ADAMTS12: variants seen among roughly 807,000 people sequenced by gnomAD.
ADAMTS12 encodes ADAM metallopeptidase with thrombospondin type 1 motif 12, also known as A disintegrin and metalloproteinase with thrombospondin motifs 12.
Under a neutral mutation model 167.8 loss-of-function variants are expected in ADAMTS12, and 118 were observed. The observed-to-expected ratio is 0.70, with a 90% CI of 0.61 to 0.82. ADAMTS12 has a LOEUF of 0.82. ADAMTS12 is among the 40% of genes least tolerant of loss of function. ADAMTS12 has a pLI of 0.00. For synonymous variants in ADAMTS12, 704 were observed against 716.9 expected, an observed-to-expected ratio of 0.98 and a Z score of 0.29; for missense variants, 1,916 against 1,998.8, an observed-to-expected ratio of 0.96 and a Z score of 0.79.
chr5:33,696,306 A>T (rs1285466609), intron 3 of ADAMTS12, among the ~76,000 whole-genome samples: 1 of 151,370 alleles, frequency 6.6e-6, no homozygotes, highest in South Asian at 2.1e-4. Flanking sequence ...CTGTAGTCCC[A>T]GCTACTCGGG....
intron 2 of ADAMTS12, among the ~76,000 whole-genome samples, chr5:33,829,413 A>G (rs1461734372): frequency 6.6e-6 from 1 of 152,084 alleles, no homozygotes; most frequent in Non-Finnish European, 1.5e-5. Context: ...TTATTATTGC[A>G]TACTTTAAAC....
At chr5:33,538,153 T>C (rs1172209142) in intron 22 of ADAMTS12, among the ~76,000 whole-genome samples, 1 of 152,174 alleles carries the variant, frequency 6.6e-6, no homozygotes, top group Non-Finnish European at 1.5e-5. Flanking sequence ...AGAGGTTTAA[T>C]TGACTCAGAG....
At chr5:33,623,498 C>T (rs1186664523) in intron 14 of ADAMTS12, among the ~76,000 whole-genome samples, 1 of 152,200 alleles carries the variant, frequency 6.6e-6, no homozygotes, top group Non-Finnish European at 1.5e-5. Flanking sequence ...ACTGACTCTT[C>T]CTTGGGGTCC....
At chr5:33,592,678 T>G (rs962912999) in intron 17 of ADAMTS12, among the ~76,000 whole-genome samples, 2 of 152,162 alleles carry the variant, frequency 1.3e-5, no homozygotes, top group African/African-American at 4.8e-5. Context: ...ATCAAAAGTT[T>G]TTATTAAATC....
intron 10 of ADAMTS12, 141 bp downstream of exon 10, chr5:33,643,237 C>T: frequency 1.4e-6 from 1 of 725,338 alleles, no homozygotes; most frequent in Non-Finnish European, 2.3e-6. Context: ...TGTGGGTGAT[C>T]TCCTCTGGCT....
chr5:33,536,510 T>C (rs891521797), intron 22 of ADAMTS12, among the ~76,000 whole-genome samples: 1 of 152,238 alleles, frequency 6.6e-6, no homozygotes, highest in African/African-American at 2.4e-5. Context: ...TAGTGTTTTA[T>C]GCCTTCTGCC....
chr5:33,668,318 G>A (rs543330079), intron 5 of ADAMTS12, among the ~76,000 whole-genome samples: 7 of 152,198 alleles, frequency 4.6e-5, no homozygotes, highest in Middle Eastern at 3.4e-3. Flanking sequence ...ATGGGCACTC[G>A]AAGTATCATT....
chr5:33,881,489 A>G lies in ADAMTS12; in HGVS notation c.128-9T>C. 6.2e-7 allele frequency: 1 copy of G among 1,607,762 alleles called. No individual in the cohort carries two copies. Among genetic ancestry groups the G allele is most frequent in the South Asian group, 1.1e-5 (1 of 90,942 alleles). ...GCCCTTGATAAAATGCTCTGAAAGA[A>G]AAGGAGAAATGGAAGAACAGTGAGG... On this transcript the variant is annotated splice_polypyrimidine_tract_variant and intron_variant, in intron 1 of 23. Coordinates refer to ENST00000504830, the MANE Select transcript of ADAMTS12 (RefSeq NM_030955.4).
intron 3 of ADAMTS12, among the ~76,000 whole-genome samples, chr5:33,697,041 G>A (rs1366235775): frequency 6.6e-6 from 1 of 152,076 alleles, no homozygotes; most frequent in Non-Finnish European, 1.5e-5. Flanking sequence ...ACCTCCCTCT[G>A]TAACTCCTCT....
chr5:33,654,212 G>A (rs150305207), intron 7 of ADAMTS12, among the ~76,000 whole-genome samples: 1,541 of 152,024 alleles, frequency 0.01, 21 homozygotes, highest in African/African-American at 0.035. Context: ...TTGTTTAAAG[G>A]TTGTTGATAA....
At chr5:33,781,517 A>C (rs1030784369) in intron 2 of ADAMTS12, among the ~76,000 whole-genome samples, 1 of 152,132 alleles carries the variant, frequency 6.6e-6, no homozygotes, top group Non-Finnish European at 1.5e-5. Flanking sequence ...ACTCACATTG[A>C]CCAGGCCAAT....
chr5:33,538,020 A>G (rs972886165), intron 22 of ADAMTS12, among the ~76,000 whole-genome samples: 17 of 152,194 alleles, frequency 1.1e-4, no homozygotes, highest in Non-Finnish European at 2.5e-4. Context: ...GATCTGTCCC[A>G]GCTGAGGTGG....
chr5:33,774,427 A>C (rs1349419765), intron 2 of ADAMTS12, among the ~76,000 whole-genome samples: 1 of 152,130 alleles, frequency 6.6e-6, no homozygotes, highest in Non-Finnish European at 1.5e-5. Context: ...ACATGGTGTT[A>C]TGAAAAAAAA....
intron 18 of ADAMTS12, among the ~76,000 whole-genome samples, chr5:33,588,064 A>G (rs1747446180): frequency 6.6e-6 from 1 of 152,208 alleles, no homozygotes; most frequent in South Asian, 2.1e-4. Context: ...GATCAAATTA[A>G]TTTTGGGAAA....
rs374917530 is a variant in ADAMTS12, at chr5:33,576,896, T to C, written c.3130A>G (p.Ser1044Gly). Reference sequence around the variant, plus strand: ...CTAGGGCTGCTGATTGCTGGAGTGCTTGTGCTCATAGACTCAGGCCCTGTG... The same window carrying C: ...CTAGGGCTGCTGATTGCTGGAGTGCCTGTGCTCATAGACTCAGGCCCTGTG... ...TPTGPESMST[S>G]TPAISSPSPT... Residue 1044 changes from serine to glycine, a missense_variant, in exon 19 of 24, where the codon AGC becomes GGC. By Grantham distance (56) the Ser-to-Gly change is moderately conservative. Coordinates refer to ENST00000504830, the MANE Select transcript of ADAMTS12 (RefSeq NM_030955.4). 3.2e-5 allele frequency: 52 copies of C among 1,614,078 alleles called. No homozygotes were observed. The highest frequency in any genetic ancestry group is 3.9e-5 in the Non-Finnish European group (46 of 1,180,034).
At chr5:33,543,947 G>A (rs1744834535) in intron 22 of ADAMTS12, among the ~76,000 whole-genome samples, 1 of 152,076 alleles carries the variant, frequency 6.6e-6, no homozygotes, top group Admixed American at 6.5e-5. Flanking sequence ...TTTGAAAACT[G>A]GCACAAGACA....
intron 2 of ADAMTS12, 102 bp from the exon 3 acceptor site, chr5:33,751,650 T>C: frequency 8.7e-7 from 1 of 1,144,756 alleles, no homozygotes; most frequent in Non-Finnish European, 1.2e-6. Flanking sequence ...CTGAAACTCC[T>C]AAGACCAGTG....
Position 33,641,951 on chromosome 5 carries a change from C to T in ADAMTS12, c.1577G>A (p.Cys526Tyr). Residue 526 changes from cysteine (C) to tyrosine (Y), a missense_variant, in exon 11 of 24, where the codon TGT (cysteine) becomes TAT (tyrosine). Transcript: ENST00000504830. Reference sequence around the variant, plus strand: ...CACTGTGATGCACTTGCCTGCCATACACCACTGGAAAGGGAAGAGGCAGGA... The same window carrying T: ...CACTGTGATGCACTTGCCTGCCATATACCACTGGAAAGGGAAGAGGCAGGA... ...DGTQCGEKKW[C>Y]MAGKCITVGK... 6.2e-7 allele frequency: 1 copy of T among 1,611,380 alleles called. No individual in the cohort carries two copies. The highest frequency in any genetic ancestry group is 8.5e-7 in the Non-Finnish European group (1 of 1,178,284).
At chr5:33,575,941 G>C in intron 19 of ADAMTS12, 113 bp downstream of exon 19, 1 of 1,445,096 alleles carries the variant, frequency 6.9e-7, no homozygotes, top group Non-Finnish European at 9.2e-7. Flanking sequence ...GCTTCCTTTT[G>C]TTTTCACAAT....
Sources: gnomAD v4.1 joint callset for allele counts (sites outside exome capture counted in the v4.1 genomes callset) on GRCh38, gnomAD v4.1.1 for gene constraint, MANE v1.5 for transcripts, NCBI Gene and HGNC (gene_info 2026-07-23, HGNC 2026-07-21) for gene names.